The following ESRRG variants were observed in gnomAD, a reference collection of about 807,000 sequenced individuals.
The protein encoded by ESRRG is estrogen related receptor gamma.
A neutral mutation model predicts 44.0 loss-of-function variants in ESRRG; 13 were observed. That is an observed-to-expected ratio of 0.30 (90% CI 0.19 to 0.47). The LOEUF (loss-of-function observed/expected upper bound fraction) is 0.47, where lower values mean the gene tolerates loss of function less well. ESRRG is among the 20% of genes least tolerant of loss of function. The probability of loss-of-function intolerance (pLI) is 1.00; values close to 1 mark genes in which losing one functional copy is unlikely to be tolerated. For missense variants in ESRRG, 395 were observed against 580.6 expected, an observed-to-expected ratio of 0.68 and a Z score of 3.29; for synonymous variants, 215 against 214.6, an observed-to-expected ratio of 1.00 and a Z score of -0.02.
At chr1:217,062,014 A>G (rs1257924398) in intron 1 of ESRRG, among the ~76,000 whole-genome samples, 1 of 152,202 alleles carries the variant, frequency 6.6e-6, no homozygotes, top group Non-Finnish European at 1.5e-5. Flanking sequence ...AAAATCAAGC[A>G]TTCGTTAATG....
intron 3 of ESRRG, among the ~76,000 whole-genome samples, chr1:216,649,685 G>C (rs1213009026): frequency 6.6e-6 from 1 of 152,084 alleles, no homozygotes; most frequent in Non-Finnish European, 1.5e-5. Context: ...CAAGGGAAGA[G>C]CAAAGTTGAA....
intron 1 of ESRRG, among the ~76,000 whole-genome samples, chr1:217,115,498 C>A (rs1456107160): frequency 6.6e-6 from 1 of 152,088 alleles, no homozygotes; most frequent in African/African-American, 2.4e-5. Flanking sequence ...ATATCCTATG[C>A]TCATCCCCTT....
chr1:216,994,434 A>G (rs923968024), intron 1 of ESRRG, among the ~76,000 whole-genome samples: 6 of 151,454 alleles, frequency 4.0e-5, no homozygotes, highest in Non-Finnish European at 8.8e-5. Flanking sequence ...GATACATGTG[A>G]CTGCACACAC....
chr1:216,892,469 C>T (rs566445093), intron 2 of ESRRG, among the ~76,000 whole-genome samples: 3 of 152,094 alleles, frequency 2.0e-5, no homozygotes, highest in Non-Finnish European at 4.4e-5. Context: ...GAAAACTAGC[C>T]TCTATGTAAC....
At chr1:216,669,222 C>T (rs2074647828) in intron 2 of ESRRG, among the ~76,000 whole-genome samples, 1 of 152,132 alleles carries the variant, frequency 6.6e-6, no homozygotes, top group African/African-American at 2.4e-5. Context: ...TTGAAAATGC[C>T]TGCTGACCAG....
In ESRRG at chr1:217,133,880, C is replaced by T. The variant is rs906905044; in HGVS notation, c.-230+3787G>A. ...ATGGGGCTGAGAGATACTGAGACAT[C>T]GCACCTCCAGCACCTGAATTCCAAC... On this transcript the variant is annotated intron_variant, in intron 1 of 8. Transcript: ENST00000366940. 7.2e-5 allele frequency among the ~76,000 whole-genome samples: 11 copies of T among 151,968 alleles called. No individual in the cohort carries two copies. The South Asian group carries it at 1.9e-3, about 26-fold the overall frequency.
At chr1:216,691,672 G>T (rs923745566) in intron 1 of ESRRG, among the ~76,000 whole-genome samples, 3 of 152,162 alleles carry the variant, frequency 2.0e-5, no homozygotes, top group East Asian at 1.9e-4. Flanking sequence ...ATCTGGCCAA[G>T]TTCACCATCC....
intron 1 of ESRRG, among the ~76,000 whole-genome samples, chr1:216,985,381 C>T (rs974775319): frequency 1.3e-5 from 2 of 152,176 alleles, no homozygotes; most frequent in Admixed American, 1.3e-4. Context: ...AAGCTTTACC[C>T]TCCAATCCAG....
chr1:216,785,226 T>C (rs2094083834), intron 2 of ESRRG, among the ~76,000 whole-genome samples: 1 of 152,126 alleles, frequency 6.6e-6, no homozygotes, highest in South Asian at 2.1e-4. Flanking sequence ...GTATTTTTAT[T>C]ACAAGTGCAC....
chr1:216,614,146 T>A (rs1273697950), intron 3 of ESRRG, among the ~76,000 whole-genome samples: 1 of 152,206 alleles, frequency 6.6e-6, no homozygotes, highest in East Asian at 1.9e-4. Context: ...AGCAGTGCAG[T>A]GCATGGGCAG....
At chr1:216,651,883 C>G (rs11117642) in intron 2 of ESRRG, among the ~76,000 whole-genome samples, 13 of 151,958 alleles carry the variant, frequency 8.6e-5, no homozygotes, top group Admixed American at 7.9e-4. Context: ...ACTAAGAAAC[C>G]AGAAGAAGAT....
chr1:216,948,857 G>T (rs112321827), intron 1 of ESRRG, among the ~76,000 whole-genome samples: 2,974 of 152,200 alleles, frequency 0.02, 110 homozygotes, highest in African/African-American at 0.068. Context: ...GATTTCATAA[G>T]TCCCTGGATT....
At chr1:217,122,599 G>A (rs568158158) in intron 1 of ESRRG, among the ~76,000 whole-genome samples, 59 of 151,332 alleles carry the variant, frequency 3.9e-4, no homozygotes, top group South Asian at 1.0e-3. Context: ...CCTCCCCTAG[G>A]ATCTTAAATT....
chr1:217,136,663 A>G (rs1456537240), intron 1 of ESRRG, among the ~76,000 whole-genome samples: 1 of 152,096 alleles, frequency 6.6e-6, no homozygotes, highest in Non-Finnish European at 1.5e-5. Context: ...TCCTGAACAC[A>G]ACTTACTGCC....
chr1:217,081,990 C>T (rs182273466), intron 1 of ESRRG, among the ~76,000 whole-genome samples: 1 of 152,250 alleles, frequency 6.6e-6, no homozygotes, highest in East Asian at 1.9e-4. Context: ...TTTAGACAAG[C>T]TGTGGCCATC....
At chr1:216,922,192 T>C (rs951246434) in intron 2 of ESRRG, among the ~76,000 whole-genome samples, 1 of 152,224 alleles carries the variant, frequency 6.6e-6, no homozygotes, top group African/African-American at 2.4e-5. Context: ...AGGAAGGCTC[T>C]GACTGTCACT....
intron 1 of ESRRG, among the ~76,000 whole-genome samples, chr1:216,994,643 G>T (rs2076145817): frequency 6.6e-6 from 1 of 151,932 alleles, no homozygotes; most frequent in Admixed American, 6.5e-5. Context: ...GTGCAGTGGC[G>T]CTATGTCGGC....
chr1:217,016,058 G>A (rs1444308651), intron 1 of ESRRG, among the ~76,000 whole-genome samples: 1 of 151,992 alleles, frequency 6.6e-6, no homozygotes, highest in Non-Finnish European at 1.5e-5. Flanking sequence ...GCTGATTTCA[G>A]GAGTAGACTG....
At chr1:216,850,026 C>T (rs2095817688) in intron 2 of ESRRG, among the ~76,000 whole-genome samples, 1 of 152,054 alleles carries the variant, frequency 6.6e-6, no homozygotes, top group African/African-American at 2.4e-5. Flanking sequence ...AGGTGTAATG[C>T]ACTTTATATA....
Sources: allele counts gnomAD v4.1 joint callset (sites outside exome capture counted in the v4.1 genomes callset), GRCh38; gene constraint gnomAD v4.1.1; transcripts MANE v1.5; gene names NCBI Gene and HGNC (gene_info 2026-07-23, HGNC 2026-07-21).